LHFPL3: variants seen among roughly 807,000 people sequenced by gnomAD.
LHFPL3 encodes LHFPL tetraspan subfamily member 3.
LHFPL3 carries 5 observed loss-of-function variants against 19.3 expected under a neutral mutation model. The ratio of observed to expected loss-of-function variants is 0.26; its 90% CI spans 0.14 to 0.54. LHFPL3 has a LOEUF of 0.54. LHFPL3 is among the 20% of genes least tolerant of loss of function. LHFPL3 has a pLI of 0.94. For synonymous variants in LHFPL3, 133 were observed against 126.2 expected (o/e 1.05, Z -0.36); for missense variants, 249 against 307.4 (o/e 0.81, Z 1.42).
intron 1 of LHFPL3, among the ~76,000 whole-genome samples, chr7:104,605,321 A>G (rs1791073524): frequency 2.6e-5 from 4 of 152,210 alleles, no homozygotes; most frequent in Admixed American, 2.0e-4. Context: ...ATAGAAAAAA[A>G]ATGAAAAGTT....
intron 1 of LHFPL3, among the ~76,000 whole-genome samples, chr7:104,461,531 T>A (rs566783610): frequency 6.6e-6 from 1 of 152,206 alleles, no homozygotes. Context: ...CAGCCTTATT[T>A]TGGGGCTCTC....
chr7:104,798,738 G>A (rs901341337), intron 2 of LHFPL3, among the ~76,000 whole-genome samples: 1 of 151,988 alleles, frequency 6.6e-6, no homozygotes, highest in Non-Finnish European at 1.5e-5. Flanking sequence ...AGAAATTAAA[G>A]TAGAAAAGCT....
intron 1 of LHFPL3, among the ~76,000 whole-genome samples, chr7:104,622,049 A>C (rs1369576582): frequency 1.3e-5 from 2 of 152,220 alleles, no homozygotes; most frequent in Admixed American, 1.3e-4. Context: ...ATCCCTTTGA[A>C]TATAGTAAAT....
intron 1 of LHFPL3, among the ~76,000 whole-genome samples, chr7:104,462,942 A>G (rs907627207): frequency 6.6e-6 from 1 of 152,068 alleles, no homozygotes; most frequent in Non-Finnish European, 1.5e-5. Flanking sequence ...TGTTTGGGAA[A>G]TTGATTTCTT....
chr7:104,376,233 C>T (rs1437825181), intron 1 of LHFPL3, among the ~76,000 whole-genome samples: 1 of 152,074 alleles, frequency 6.6e-6, no homozygotes, highest in African/African-American at 2.4e-5. Context: ...ACTTTTTGTG[C>T]CAGGTTCTGT....
intron 1 of LHFPL3, among the ~76,000 whole-genome samples, chr7:104,534,568 G>T (rs1022022441): frequency 2.0e-5 from 3 of 152,198 alleles, no homozygotes; most frequent in Non-Finnish European, 4.4e-5. Context: ...TTTTGAGGTT[G>T]TTAAGGGCCC....
chr7:104,501,590 G>A (rs1257594266), intron 1 of LHFPL3, among the ~76,000 whole-genome samples: 1 of 152,130 alleles, frequency 6.6e-6, no homozygotes, highest in Non-Finnish European at 1.5e-5. Context: ...AGTCACTCAT[G>A]CCTCTTCTGG....
At chr7:104,821,755 C>G (rs1325607810) in intron 2 of LHFPL3, among the ~76,000 whole-genome samples, 2 of 152,150 alleles carry the variant, frequency 1.3e-5, no homozygotes, top group Non-Finnish European at 2.9e-5. Context: ...AGTTTCTAGA[C>G]TTGGAAAAAC....
chr7:104,566,227 T>C (rs1433389499), intron 1 of LHFPL3, among the ~76,000 whole-genome samples: 2 of 152,172 alleles, frequency 1.3e-5, no homozygotes, highest in Non-Finnish European at 2.9e-5. Flanking sequence ...GGCATGCACC[T>C]GTAGTCCTAG....
chr7:104,367,173 A>G (rs1003704511), intron 1 of LHFPL3, among the ~76,000 whole-genome samples: 1 of 152,206 alleles, frequency 6.6e-6, no homozygotes, highest in Non-Finnish European at 1.5e-5. Flanking sequence ...CTGGGTTCCA[A>G]TGATAAAACT....
chr7:104,473,218 A>T (rs1487204010), intron 1 of LHFPL3, among the ~76,000 whole-genome samples: 1 of 152,248 alleles, frequency 6.6e-6, no homozygotes, highest in Non-Finnish European at 1.5e-5. Context: ...TCTTTCAAAC[A>T]TAAATTTTAC....
intron 2 of LHFPL3, among the ~76,000 whole-genome samples, chr7:104,901,775 G>T (rs952375124): frequency 1.3e-5 from 2 of 151,776 alleles, no homozygotes; most frequent in Non-Finnish European, 2.9e-5. Context: ...TCCTTATGTT[G>T]CCCAGGCTGG....
chr7:104,423,722 A>G (rs543916871), intron 1 of LHFPL3, among the ~76,000 whole-genome samples: 1 of 151,272 alleles, frequency 6.6e-6, no homozygotes, highest in Non-Finnish European at 1.5e-5. Context: ...TCCAGACTAC[A>G]GGATGTTTGA....
At chr7:104,583,707 A>G (rs1334144560) in intron 1 of LHFPL3, among the ~76,000 whole-genome samples, 2 of 152,178 alleles carry the variant, frequency 1.3e-5, no homozygotes, top group African/African-American at 4.8e-5. Context: ...ACATGAAAAA[A>G]TGCTCATCAT....
intron 1 of LHFPL3, among the ~76,000 whole-genome samples, chr7:104,624,742 C>CA (rs918784213): frequency 5.2e-4 from 79 of 151,456 alleles, no homozygotes; most frequent in African/African-American, 1.4e-3. Flanking sequence ...CCTTTCAATG[C>CA]AAAAAAAATA....
intron 2 of LHFPL3, among the ~76,000 whole-genome samples, chr7:104,824,768 T>G (rs1584557090): frequency 1.7e-5 from 2 of 114,878 alleles, no homozygotes; most frequent in African/African-American, 6.9e-5. Flanking sequence ...ATATAATATA[T>G]TATATATTAT....
intron 1 of LHFPL3, among the ~76,000 whole-genome samples, chr7:104,620,709 C>T (rs1053041637): frequency 2.0e-5 from 3 of 152,200 alleles, no homozygotes; most frequent in South Asian, 2.1e-4. Context: ...GCCCGGAACT[C>T]TCTAACTCAT....
At chr7:104,645,446 G>A (rs966848810) in intron 1 of LHFPL3, among the ~76,000 whole-genome samples, 6 of 152,070 alleles carry the variant, frequency 3.9e-5, no homozygotes, top group African/African-American at 1.4e-4. Flanking sequence ...TAATTGCCCA[G>A]TGAAAATAAT....
intron 1 of LHFPL3, among the ~76,000 whole-genome samples, chr7:104,508,286 A>T (rs910686388): frequency 6.6e-6 from 1 of 151,996 alleles, no homozygotes; most frequent in Non-Finnish European, 1.5e-5. Context: ...GCCATAAAAA[A>T]TGATGAGTTC....
Sources: gnomAD v4.1 joint callset for allele counts (sites outside exome capture counted in the v4.1 genomes callset) on GRCh38, gnomAD v4.1.1 for gene constraint, MANE v1.5 for transcripts, NCBI Gene and HGNC (gene_info 2026-07-23, HGNC 2026-07-21) for gene names.